DEFB119: variants seen among roughly 807,000 people sequenced by gnomAD.
DEFB119 encodes the protein beta-defensin 119.
A neutral mutation model predicts 2.5 loss-of-function variants in DEFB119; 3 were observed. The ratio of observed to expected loss-of-function variants is 1.19; its 90% CI spans 0.54 to 3.07. DEFB119 has a LOEUF of 3.07. Ranked by LOEUF, DEFB119 falls within the 30% of genes most tolerant of loss-of-function variation. The pLI is 0.03. For missense variants in DEFB119, 113 were observed against 101.1 expected, an observed-to-expected ratio of 1.12 and a Z score of -0.50; for synonymous variants, 29 against 33.7, an observed-to-expected ratio of 0.86 and a Z score of 0.48.
At chr20:31,380,474 C>T (rs1486828496) in intron 1 of DEFB119, among the ~76,000 whole-genome samples, 1 of 152,052 alleles carries the variant, frequency 6.6e-6, no homozygotes, top group Non-Finnish European at 1.5e-5. Flanking sequence ...CTATGTTGCC[C>T]AGGCTGGTCT....
chr20:31,382,799 G>A (rs1181713717), intron 1 of DEFB119, among the ~76,000 whole-genome samples: 2 of 152,372 alleles, frequency 1.3e-5, no homozygotes, highest in South Asian at 2.1e-4. Flanking sequence ...GCATGCAGAT[G>A]TAAATAAAAC....
intron 1 of DEFB119, among the ~76,000 whole-genome samples, chr20:31,383,601 C>T (rs1047354498): frequency 6.7e-5 from 10 of 150,324 alleles, no homozygotes; most frequent in South Asian, 4.2e-4. Flanking sequence ...TTTGGGAGGC[C>T]GAGGCGGGCA....
intron 1 of DEFB119, among the ~76,000 whole-genome samples, chr20:31,381,785 T>G (rs1229258447): frequency 6.6e-6 from 1 of 151,814 alleles, no homozygotes; most frequent in Non-Finnish European, 1.5e-5. Flanking sequence ...CACTCCAGCC[T>G]GGGCGACAGA....
chr20:31,378,105 C>T (rs561333191), intron 1 of DEFB119, among the ~76,000 whole-genome samples: 5 of 152,278 alleles, frequency 3.3e-5, no homozygotes, highest in Admixed American at 2.0e-4. Flanking sequence ...CATGCAGTGT[C>T]GATAGGAATC....
chr20:31,380,142 C>T (rs1986454082), intron 1 of DEFB119, among the ~76,000 whole-genome samples: 1 of 152,192 alleles, frequency 6.6e-6, no homozygotes, highest in African/African-American at 2.4e-5. Context: ...TGATTCTCTT[C>T]TTTTCTAGGT....
At chr20:31,386,810 C>CTTTTTTTTTTT (rs148428945) in intron 1 of DEFB119, among the ~76,000 whole-genome samples, 22 of 108,904 alleles carry the variant, frequency 2.0e-4, no homozygotes, top group Admixed American at 3.0e-4. Flanking sequence ...TTTTCTTTTT[C>CTTTTTTTTTTT]TTTTTTTTTT....
chr20:31,383,392 A>T (rs1986570287), intron 1 of DEFB119, among the ~76,000 whole-genome samples: 1 of 152,004 alleles, frequency 6.6e-6, no homozygotes, highest in Non-Finnish European at 1.5e-5. Context: ...AAAAATACAA[A>T]AATTAGCCAG....
chr20:31,387,890 G>C (rs1986771857), intron 1 of DEFB119, among the ~76,000 whole-genome samples: 1 of 152,196 alleles, frequency 6.6e-6, no homozygotes, highest in Non-Finnish European at 1.5e-5. Context: ...CTTAGCCAGA[G>C]GAGGGGCCCC....
chr20:31,378,211 G>T lies in DEFB119; in HGVS notation c.62-772C>A, dbSNP rs904584195. 3.0e-6 allele frequency: 4 copies of T among 1,317,932 alleles called. No individual in the cohort carries two copies. In the African/African-American group the frequency reaches 5.8e-5, roughly 19 times the overall value. The allele number at this position is 1,317,932 out of a possible 1,614,324, so 81.6% of individuals were successfully genotyped here. A position where few individuals can be genotyped will look rare whatever the true frequency, so the allele number is the denominator to read the frequency against. On this transcript the variant is annotated intron_variant, in intron 1 of 1. Coordinates refer to ENST00000376321, the MANE Select transcript of DEFB119 (RefSeq NM_153289.4). ...GGTGACAGAGAGGGCCTAGTGCAGAGTCAAGACTTTCACCACCACACAGTA... is the reference window on the plus strand; with the variant it reads ...GGTGACAGAGAGGGCCTAGTGCAGATTCAAGACTTTCACCACCACACAGTA...
chr20:31,387,664 GCCTAGGGGTCGGCA>G (rs1489187055), intron 1 of DEFB119, among the ~76,000 whole-genome samples: 1 of 152,118 alleles, frequency 6.6e-6, no homozygotes, highest in Non-Finnish European at 1.5e-5. Flanking sequence ...TGCTTCTCCT[GCCTAGGGGTCGGCA>G]CCCAGTGGGC....
At chr20:31,389,437 T>G (rs368483789) in intron 1 of DEFB119, among the ~76,000 whole-genome samples, 12 of 151,960 alleles carry the variant, frequency 7.9e-5, no homozygotes, top group Admixed American at 5.9e-4. Flanking sequence ...AGCTCCGAAG[T>G]TTTTGGGAGA....
In DEFB119 at chr20:31,390,501, G is replaced by A. The variant is rs377323328; in HGVS notation, c.-18C>T. The A allele has an allele frequency of 2.2e-5, 36 of 1,612,452 alleles. No individual in the cohort carries two copies. The highest frequency in any genetic ancestry group is 1.7e-4 in the Middle Eastern group (1 of 6,048). ...AGTTTCATGGCTGGCAGACCTGAGA[G>A]GAGGAGGTGGCTGAGCTGCAGGGGA... On this transcript the variant is annotated 5_prime_UTR_variant, in exon 1 of 2. Coordinates refer to ENST00000376321, the MANE Select transcript of DEFB119 (RefSeq NM_153289.4).
chr20:31,382,236 CA>C (rs1036071410), intron 1 of DEFB119, among the ~76,000 whole-genome samples: 26 of 151,932 alleles, frequency 1.7e-4, no homozygotes, highest in African/African-American at 6.3e-4. Flanking sequence ...ACAATTATTT[CA>C]AAATAAAAAG....
chr20:31,387,041 T>TG (rs1986733549), intron 1 of DEFB119, among the ~76,000 whole-genome samples: 1 of 152,044 alleles, frequency 6.6e-6, no homozygotes, highest in Non-Finnish European at 1.5e-5. Flanking sequence ...ACTGACCTCG[T>TG]GGTGATCCAC....
chr20:31,378,339 G>A (rs1486043006), intron 1 of DEFB119: 2 of 1,614,084 alleles, frequency 1.2e-6, no homozygotes, highest in South Asian at 1.1e-5. Flanking sequence ...AATACACCTG[G>A]ACTTCCACCC....
At chr20:31,386,932 G>A (rs1402070869) in intron 1 of DEFB119, among the ~76,000 whole-genome samples, 1 of 148,252 alleles carries the variant, frequency 6.7e-6, no homozygotes, top group African/African-American at 2.5e-5. Flanking sequence ...TCCTGCCTCA[G>A]CCTCCCAAGT....
At position 31,390,422 on chromosome 20, in the gene DEFB119, C is replaced by T. The variant is rs1986889998; in HGVS notation, c.61+1G>A. 4 of 1,612,412 alleles carry T rather than the reference C, an allele frequency of 2.5e-6. No individual in the cohort carries two copies. Among genetic ancestry groups the T allele is most frequent in the South Asian group, 1.1e-5 (1 of 90,762 alleles). On this transcript the variant is annotated splice_donor_variant, in intron 1 of 1. Transcript: ENST00000376321. LOFTEE classifies it high-confidence loss of function. ...AGACCCCCGAGAGAGGTTCACGTTA[C>T]CTGATATCACTGGTTCTTCTATGGC...
chr20:31,389,535 C>T (rs1481695571), intron 1 of DEFB119, among the ~76,000 whole-genome samples: 1 of 152,080 alleles, frequency 6.6e-6, no homozygotes, highest in East Asian at 1.9e-4. Flanking sequence ...AATTAATGTC[C>T]CACCTAGCAG....
At position 31,377,316 on chromosome 20, in the gene DEFB119, C is replaced by G. The variant is rs111917092; in HGVS notation, c.185G>C (p.Arg62Thr). ...CQSCCLQSYMRISISGKEENT... is the reference protein window; with the variant it reads ...CQSCCLQSYMTISISGKEENT... ...TTCCTCTTTGCCAGAAATGCTTATC[C>G]TCATGTAGGACTGGAGGCAGCAGGA... Residue 62 changes from arginine (R) to threonine (T), a missense_variant, in exon 2 of 2, where the codon AGG (arginine) becomes ACG (threonine). Coordinates refer to ENST00000376321, the MANE Select transcript of DEFB119 (RefSeq NM_153289.4). 10 of 1,614,048 alleles carry G rather than the reference C, an allele frequency of 6.2e-6. No individual in the cohort carries two copies. The African/African-American group carries it at 9.3e-5, about 15-fold the overall frequency.
Sources: gnomAD v4.1 joint callset for allele counts (sites outside exome capture counted in the v4.1 genomes callset) on GRCh38, gnomAD v4.1.1 for gene constraint, MANE v1.5 for transcripts, NCBI Gene and HGNC (gene_info 2026-07-23, HGNC 2026-07-21) for gene names.